Variants in SORCS3 observed in about 807,000 individuals in gnomAD.
SORCS3 encodes VPS10 domain-containing receptor SorCS3.
SORCS3 carries 57 observed loss-of-function variants against 146.3 expected under a neutral mutation model. The ratio of observed to expected loss-of-function variants is 0.39; its 90% CI spans 0.31 to 0.49. The LOEUF is 0.49. Ranked by LOEUF, SORCS3 falls within the 20% of genes least tolerant of loss-of-function variation. The probability of loss-of-function intolerance (pLI) is 0.92; values close to 1 mark genes in which losing one functional copy is unlikely to be tolerated. For synonymous variants in SORCS3, 653 were observed against 618.5 expected (o/e 1.06, Z -0.83); for missense variants, 1,341 against 1,575.5 (o/e 0.85, Z 2.52).
intron 3 of SORCS3, among the ~76,000 whole-genome samples, chr10:104,968,779 A>T (rs1172731557): frequency 6.6e-6 from 1 of 152,372 alleles, no homozygotes; most frequent in East Asian, 1.9e-4. Context: ...TTGTTTTTGT[A>T]GAAACATGCT....
intron 4 of SORCS3, among the ~76,000 whole-genome samples, chr10:105,001,073 A>C (rs1198587411): frequency 6.6e-6 from 1 of 152,176 alleles, no homozygotes; most frequent in Non-Finnish European, 1.5e-5. Context: ...GGTTCTATCC[A>C]GTTGGAAATG....
At position 105,218,757 on chromosome 10, in the gene SORCS3, C is replaced by G. The variant is rs1564787572; in HGVS notation, c.2734+1635C>G. The stretch of plus-strand genomic sequence containing the variant: ...GCTGGCTGGGCGCGGTGGCTCACGC[C>G]TGTAATCCCAGCACTTTGGGAGGCC... On this transcript the variant is annotated intron_variant, in intron 19 of 26. Transcript: ENST00000369701. 5.9e-5 allele frequency among the ~76,000 whole-genome samples: 9 copies of G among 152,246 alleles called. 1 individual carries two copies. The South Asian group carries it at 1.9e-3, about 32-fold the overall frequency.
rs2055169020 is a variant in SORCS3 at position 105,016,544 on chromosome 10, A to C, written c.955-26511A>C. Among the ~76,000 whole-genome samples the C allele has an allele frequency of 2.0e-5, 3 of 152,126 alleles. No homozygotes were observed. The South Asian group carries it at 6.2e-4, about 31-fold the overall frequency. ...AATTGTAGAGCTGAAAGGGCTCAGC[A>C]CCATGTCTGTAGTCTAAAAGCAGTA... On this transcript the variant is annotated intron_variant, in intron 4 of 26. Transcript: ENST00000369701.
At chr10:105,105,316 G>T in intron 6 of SORCS3, 81 bp from the exon 7 acceptor site, 1 of 791,294 alleles carries the variant, frequency 1.3e-6, no homozygotes, top group Middle Eastern at 2.3e-4. Context: ...ATTCCCCCAT[G>T]AAGTAGAGTT....
chr10:105,152,737 CT>C (rs2056176264), intron 9 of SORCS3, among the ~76,000 whole-genome samples: 1 of 152,160 alleles, frequency 6.6e-6, no homozygotes, highest in African/African-American at 2.4e-5. Flanking sequence ...CCAGTGGCTA[CT>C]GTTTTGGATT....
At chr10:105,248,705 C>T (rs1177441961) in intron 22 of SORCS3, among the ~76,000 whole-genome samples, 1 of 118,152 alleles carries the variant, frequency 8.5e-6, no homozygotes, top group Non-Finnish European at 1.7e-5. Context: ...CAGAGTGAGA[C>T]TCCATCTCAA....
At chr10:105,024,168 A>C (rs1420572142) in intron 4 of SORCS3, among the ~76,000 whole-genome samples, 3 of 152,204 alleles carry the variant, frequency 2.0e-5, no homozygotes, top group Non-Finnish European at 4.4e-5. Context: ...ATCTGTAGCT[A>C]TGTGTTCTTC....
intron 1 of SORCS3, among the ~76,000 whole-genome samples, chr10:104,681,495 G>A (rs2133265466): frequency 6.6e-6 from 1 of 152,298 alleles, no homozygotes; most frequent in Non-Finnish European, 1.5e-5. Flanking sequence ...AGGCTCTGGG[G>A]CAAGGCTTGG....
intron 4 of SORCS3, among the ~76,000 whole-genome samples, chr10:104,993,645 TCTCTTG>T (rs1267936858): frequency 5.9e-5 from 9 of 152,216 alleles, no homozygotes; most frequent in African/African-American, 2.2e-4. Flanking sequence ...GCATAGATGG[TCTCTTG>T]AACTTTCTAG....
intron 1 of SORCS3, among the ~76,000 whole-genome samples, chr10:104,706,503 G>A (rs1342115057): frequency 2.0e-5 from 3 of 152,186 alleles, no homozygotes; most frequent in East Asian, 3.9e-4. Flanking sequence ...CACTGTGCCC[G>A]GGCCAGAGAC....
At chr10:104,670,207 A>G (rs532281157) in intron 1 of SORCS3, among the ~76,000 whole-genome samples, 1 of 152,182 alleles carries the variant, frequency 6.6e-6, no homozygotes, top group Non-Finnish European at 1.5e-5. Flanking sequence ...CTTTTGATAT[A>G]TAAATTTTTT....
intron 17 of SORCS3, among the ~76,000 whole-genome samples, chr10:105,212,998 GT>G (rs2119644740): frequency 6.6e-6 from 1 of 152,228 alleles, no homozygotes; most frequent in South Asian, 2.1e-4. Flanking sequence ...TTTTAATAAT[GT>G]TTTCTTTAAC....
chr10:104,758,048 T>C (rs2017076173), intron 1 of SORCS3, among the ~76,000 whole-genome samples: 1 of 152,134 alleles, frequency 6.6e-6, no homozygotes. Context: ...AATAATTGCT[T>C]CTTGGAGTAG....
At chr10:104,770,378 C>T (rs1481414062) in intron 1 of SORCS3, among the ~76,000 whole-genome samples, 3 of 152,102 alleles carry the variant, frequency 2.0e-5, no homozygotes, top group Non-Finnish European at 4.4e-5. Context: ...ACTCCTATTT[C>T]GAGGCCACAG....
intron 4 of SORCS3, among the ~76,000 whole-genome samples, chr10:105,029,212 G>A (rs1230764490): frequency 2.0e-5 from 3 of 152,130 alleles, no homozygotes; most frequent in Non-Finnish European, 4.4e-5. Flanking sequence ...TGATTTACAA[G>A]TCACAGGTAA....
chr10:105,169,809 A>C (rs2119535082), intron 13 of SORCS3, among the ~76,000 whole-genome samples: 1 of 152,262 alleles, frequency 6.6e-6, no homozygotes, highest in South Asian at 2.1e-4. Context: ...GCTTGTTTTT[A>C]AACCAAGCAA....
At position 105,048,467 on chromosome 10, in the gene SORCS3, C is replaced by T. The variant is rs1268107783; in HGVS notation, c.1028+5339C>T. Among the ~76,000 whole-genome samples, 8 of 146,336 alleles carry T rather than the reference C, an allele frequency of 5.5e-5. No homozygotes were observed. In the East Asian group the frequency reaches 6.2e-4, roughly 11 times the overall value. On this transcript the variant is annotated intron_variant, in intron 5 of 26. Coordinates refer to ENST00000369701, the MANE Select transcript of SORCS3 (RefSeq NM_014978.3). ...ACCAAACACCGCATGTTCTCACTCA[C>T]AGGTGGGAATTGAACAATGAGAACA...
At chr10:104,977,641 C>G (rs1404034404) in intron 4 of SORCS3, 148 bp downstream of exon 4, 4 of 697,332 alleles carry the variant, frequency 5.7e-6, no homozygotes, top group Non-Finnish European at 8.8e-6. Flanking sequence ...TTGTCTGCAG[C>G]AACTAACTTT....
At chr10:104,933,175 G>A (rs1487485152) in intron 3 of SORCS3, among the ~76,000 whole-genome samples, 1 of 152,206 alleles carries the variant, frequency 6.6e-6, no homozygotes, top group African/African-American at 2.4e-5. Context: ...AAACATATGA[G>A]TTCATGTGAT....
Sources: gnomAD v4.1 joint callset for allele counts (sites outside exome capture counted in the v4.1 genomes callset) on GRCh38, gnomAD v4.1.1 for gene constraint, MANE v1.5 for transcripts, NCBI Gene and HGNC (gene_info 2026-07-23, HGNC 2026-07-21) for gene names.